The following ALDH4A1 variants were observed in gnomAD, a reference collection of about 807,000 sequenced individuals.
ALDH4A1 encodes the protein aldehyde dehydrogenase 4 family member A1.
A neutral mutation model predicts 70.5 loss-of-function variants in ALDH4A1; 46 were observed. The ratio of observed to expected loss-of-function variants is 0.65; its 90% CI spans 0.51 to 0.83. The LOEUF is 0.83. Ranked by LOEUF, ALDH4A1 falls within the 40% of genes least tolerant of loss-of-function variation. ALDH4A1 has a pLI of 0.00. For missense variants in ALDH4A1, 749 were observed against 766.5 expected, an observed-to-expected ratio of 0.98 and a Z score of 0.27; for synonymous variants, 323 against 324.3, an observed-to-expected ratio of 1.00 and a Z score of 0.04.
intron 1 of ALDH4A1, among the ~76,000 whole-genome samples, chr1:18,900,577 G>A (rs543125093): frequency 1.3e-5 from 2 of 152,304 alleles, no homozygotes; most frequent in South Asian, 2.1e-4. Flanking sequence ...GGCCAGAGAC[G>A]CTGCTAAACA....
At chr1:18,887,972 C>T (rs923151374) in intron 3 of ALDH4A1, among the ~76,000 whole-genome samples, 1 of 152,216 alleles carries the variant, frequency 6.6e-6, no homozygotes, top group Non-Finnish European at 1.5e-5. Flanking sequence ...AATTTCACTT[C>T]TTTCCTTCCT....
chr1:18,901,642 C>A (rs1935802259), intron 1 of ALDH4A1, among the ~76,000 whole-genome samples: 3 of 152,176 alleles, frequency 2.0e-5, no homozygotes, highest in South Asian at 4.1e-4. Context: ...AGGTCCACCC[C>A]TGAACTGCTC....
rs760693906 is a variant in ALDH4A1 at position 18,876,335 on chromosome 1, G to A, written c.1318C>T (p.Gln440Ter). ...GTCACCTCCTTCATGATGGGCTCCT[G>A]AGGGTCCTTGCTCTCCACGATGCAG... ...EPCIVESKDP[Q>*]EPIMKEEIFG... The change falls in exon 12 of 15, where the codon CAG becomes TAG. Residue 440 changes from glutamine to a stop codon, truncating the protein, a stop_gained. Transcript: ENST00000375341. LOFTEE classifies it high-confidence loss of function. 2.5e-6 allele frequency: 4 copies of A among 1,613,926 alleles called. No homozygotes were observed. The highest frequency in any genetic ancestry group is 3.3e-4 in the Middle Eastern group (2 of 6,060).
chr1:18,885,790 C>T lies in ALDH4A1; in HGVS notation c.298-162G>A, dbSNP rs1052722226. On this transcript the variant is annotated intron_variant, in intron 4 of 14. Coordinates refer to ENST00000375341, the MANE Select transcript of ALDH4A1 (RefSeq NM_003748.4). Reference sequence around the variant, plus strand: ...CTGCCACCATAGCTGCCAACAACAGCGTCCCATCAGAGCCTGTAGTGGCTG... The same window carrying T: ...CTGCCACCATAGCTGCCAACAACAGTGTCCCATCAGAGCCTGTAGTGGCTG... 2.0e-5 allele frequency among the ~76,000 whole-genome samples: 3 copies of T among 152,202 alleles called. 1 individual carries two copies. Among genetic ancestry groups the T allele is most frequent in the Non-Finnish European group, 4.4e-5 (3 of 68,036 alleles).
chr1:18,892,285 G>C (rs1177681280), intron 1 of ALDH4A1, among the ~76,000 whole-genome samples: 1 of 152,140 alleles, frequency 6.6e-6, no homozygotes, highest in African/African-American at 2.4e-5. Flanking sequence ...GGTTGACTGA[G>C]GACCTGCTGG....
chr1:18,877,613 C>G lies in ALDH4A1; in HGVS notation c.941-1G>C. 3 of 1,606,470 alleles carry G rather than the reference C, an allele frequency of 1.9e-6. No individual in the cohort carries two copies. In the East Asian group the frequency reaches 6.7e-5, roughly 36 times the overall value. Reference sequence around the variant, plus strand: ...AAGTGGAAGTTCTTTCCGCCGCACTCTACAGGGGTCGGGGGTGGGGAAATG... The same window carrying G: ...AAGTGGAAGTTCTTTCCGCCGCACTGTACAGGGGTCGGGGGTGGGGAAATG... On this transcript the variant is annotated splice_acceptor_variant, in intron 9 of 14. Transcript: ENST00000375341. LOFTEE classifies it high-confidence loss of function.
intron 4 of ALDH4A1, among the ~76,000 whole-genome samples, chr1:18,886,219 G>A (rs1935194665): frequency 6.6e-6 from 1 of 152,150 alleles, no homozygotes; most frequent in Admixed American, 6.5e-5. Flanking sequence ...GGCATGTCTG[G>A]GAATGTCTCA....
At chr1:18,893,514 C>CT (rs1337343282) in intron 1 of ALDH4A1, among the ~76,000 whole-genome samples, 9 of 149,908 alleles carry the variant, frequency 6.0e-5, no homozygotes, top group African/African-American at 2.2e-4. Flanking sequence ...TTTTTTTTTT[C>CT]TTTTTTGAGT....
chr1:18,877,575 C>T lies in ALDH4A1; in HGVS notation c.978G>A (p.Ser326=), dbSNP rs779514434. Residue 326 remains serine (S), a synonymous_variant, in exon 10 of 15, where the codon TCG becomes TCA. Transcript: ENST00000375341. ...CGCTCACCACGCTCTCCACGTCGGC[C>T]GAGCGGTGCACGAAGTGGAAGTTCT... ...GGKNFHFVHR[S]ADVESVVSGT... is the part of the protein sequence containing the mutation. The T allele has an allele frequency of 1.2e-5, 20 of 1,611,130 alleles. No individual in the cohort carries two copies. Among genetic ancestry groups the T allele is most frequent in the East Asian group, 2.2e-5 (1 of 44,844 alleles).
chr1:18,885,427 T>TTCCCCCCCCCCCCCCCCCC, intron 5 of ALDH4A1, 46 bp downstream of exon 5: 13 of 650,916 alleles, frequency 2.0e-5, no homozygotes, highest in Admixed American at 2.3e-5. Context: ...CACACCTGAC[T>TTCCCCCCCCCCCCCCCCCC]CCCACCCCAC....
At chr1:18,891,174 A>G (rs1935418254) in intron 1 of ALDH4A1, among the ~76,000 whole-genome samples, 1 of 152,232 alleles carries the variant, frequency 6.6e-6, no homozygotes, top group South Asian at 2.1e-4. Flanking sequence ...GCCACCTCCC[A>G]GCTGTGGGGC....
intron 14 of ALDH4A1, among the ~76,000 whole-genome samples, chr1:18,873,995 TC>T (rs1383959818): frequency 1.3e-5 from 2 of 152,132 alleles, no homozygotes; most frequent in African/African-American, 4.8e-5. Flanking sequence ...GCAGTGAGCA[TC>T]AAGTTAAACT....
chr1:18,880,389 C>T lies in ALDH4A1; in HGVS notation c.867-1016G>A, dbSNP rs1340642999. ...TCGCTGACAACCCCCCTCATCCCCA[C>T]ACGCACCCCAACCCCAACTCCAGGA... On this transcript the variant is annotated intron_variant, in intron 8 of 14. Transcript: ENST00000375341. The surrounding 1 kb of genome is among the most constrained non-coding windows in gnomAD (Gnocchi z 5.1). Among the ~76,000 whole-genome samples, 2 of 152,104 alleles carry T rather than the reference C, an allele frequency of 1.3e-5. No homozygotes were observed. Among genetic ancestry groups the T allele is most frequent in the Non-Finnish European group, 1.5e-5 (1 of 68,008 alleles).
chr1:18,879,451 T>C, intron 8 of ALDH4A1, 78 bp from the exon 9 acceptor site: 1 of 1,317,682 alleles, frequency 7.6e-7, no homozygotes, highest in South Asian at 1.2e-5. Flanking sequence ...GGAGGAGCAT[T>C]GCCGGGGGCA....
intron 1 of ALDH4A1, chr1:18,900,973 G>T: frequency 1.1e-6 from 1 of 942,528 alleles, no homozygotes; most frequent in South Asian, 4.9e-5. Context: ...ACTAGATATT[G>T]GAGGGTTTTC....
intron 1 of ALDH4A1, chr1:18,901,074 G>C: frequency 5.4e-6 from 1 of 183,818 alleles, no homozygotes; most frequent in Non-Finnish European, 1.0e-5. Flanking sequence ...AGGGTGTTTG[G>C]CAGAGCACCA....
intron 8 of ALDH4A1, among the ~76,000 whole-genome samples, chr1:18,879,816 C>A (rs1198496673): frequency 1.3e-5 from 2 of 152,182 alleles, no homozygotes; most frequent in Admixed American, 1.3e-4. Context: ...CCAAGCCCAG[C>A]GCCCAGGCCT....
Position 18,885,473 on chromosome 1 carries a change from C to T in ALDH4A1, c.453G>A (p.Gln151=). The T allele has an allele frequency of 6.7e-7, 1 of 1,501,688 alleles. No homozygotes were observed. Among genetic ancestry groups the T allele is most frequent in the South Asian group, 1.2e-5 (1 of 83,886 alleles). The allele number at this position is 1,501,688 out of a possible 1,614,324, so 93.0% of individuals were successfully genotyped here. The change falls in exon 5 of 15, where the codon CAG becomes CAA. Residue 151 remains glutamine, a splice_region_variant and synonymous_variant. Transcript: ENST00000375341. ...CCACCCGGGCCCACCAGCACCTCAC[C>T]TGTCCCACCATGGTCTTGGCGAGGA... The part of the protein sequence containing the change: ...AEILAKTMVG[Q]GKTVIQAEID...
At chr1:18,882,312 C>A (rs1312367558) in intron 7 of ALDH4A1, among the ~76,000 whole-genome samples, 1 of 152,200 alleles carries the variant, frequency 6.6e-6, no homozygotes, top group Non-Finnish European at 1.5e-5. Context: ...TTTGTCTGTG[C>A]ACAGATGCAT....
Sources: gnomAD v4.1 joint callset for allele counts (sites outside exome capture counted in the v4.1 genomes callset) on GRCh38, gnomAD v4.1.1 for gene constraint, Gnocchi (gnomAD v3.1) non-coding constraint, MANE v1.5 for transcripts, NCBI Gene and HGNC (gene_info 2026-07-23, HGNC 2026-07-21) for gene names.